Variants in ABCC4 observed in about 807,000 individuals in gnomAD.
The protein encoded by ABCC4 is ATP binding cassette subfamily C member 4 (PEL blood group), also known as ATP-binding cassette sub-family C member 4.
Under a neutral mutation model 168.5 loss-of-function variants are expected in ABCC4, and 102 were observed. That is an observed-to-expected ratio of 0.61 (90% CI 0.52 to 0.71). The LOEUF is 0.71. Ranked by LOEUF, ABCC4 falls within the 30% of genes least tolerant of loss-of-function variation. ABCC4 has a pLI of 0.00. For synonymous variants in ABCC4, 617 were observed against 590.7 expected (o/e 1.04, Z -0.65); for missense variants, 1,402 against 1,605.8 (o/e 0.87, Z 2.17).
At chr13:95,278,806 G>GGAA (rs764176828) in intron 1 of ABCC4, among the ~76,000 whole-genome samples, 1 of 34,344 alleles carries the variant, frequency 2.9e-5, no homozygotes, top group East Asian at 1.1e-3. Context: ...CCCTGTCTCG[G>GGAA]AAAAAAAAAA....
chr13:95,207,650 T>C, intron 7 of ABCC4, 150 bp downstream of exon 7: 1 of 740,948 alleles, frequency 1.3e-6, no homozygotes. Flanking sequence ...TCTCTACCAT[T>C]CTACTTAACC....
intron 26 of ABCC4, among the ~76,000 whole-genome samples, chr13:95,057,229 T>C (rs2033095447): frequency 6.6e-6 from 1 of 150,736 alleles, no homozygotes; most frequent in African/African-American, 2.4e-5. Context: ...TGAGGGGTAC[T>C]TTCTTAAGAA....
chr13:95,186,957 T>C lies in ABCC4; in HGVS notation c.1354-65A>G. 3 of 1,391,226 alleles carry C rather than the reference T, an allele frequency of 2.2e-6. No homozygotes were observed. In the East Asian group the frequency reaches 7.6e-5, roughly 35 times the overall value. 86.2% of individuals were successfully genotyped at this position (1,391,226 alleles called of 1,614,324 possible). A position where few individuals can be genotyped will look rare whatever the true frequency, so the allele number is the denominator to read the frequency against. On this transcript the variant is annotated intron_variant, in intron 10 of 30. Coordinates refer to ENST00000645237, the MANE Select transcript of ABCC4 (RefSeq NM_005845.5). Reference sequence around the variant, plus strand: ...TCGAGACAAGAATAAGCCACTGCAATGCAGCCTTGCCCAGCCCTGGGAGCT... The same window carrying C: ...TCGAGACAAGAATAAGCCACTGCAACGCAGCCTTGCCCAGCCCTGGGAGCT...
chr13:95,237,840 T>A (rs1594356084), intron 3 of ABCC4, among the ~76,000 whole-genome samples: 1 of 151,250 alleles, frequency 6.6e-6, no homozygotes, highest in East Asian at 2.0e-4. Context: ...GATGTTTGAG[T>A]GAAAAATACA....
At chr13:95,217,498 A>G (rs7321744) in intron 4 of ABCC4, among the ~76,000 whole-genome samples, 113,309 of 152,028 alleles carry the variant, frequency 0.75, 43,036 homozygotes, top group Non-Finnish European at 0.84. Flanking sequence ...TTGGGAGGCC[A>G]GGGAGGGCGG....
chr13:95,260,091 C>T (rs2040494572), intron 1 of ABCC4, among the ~76,000 whole-genome samples: 1 of 152,176 alleles, frequency 6.6e-6, no homozygotes, highest in Non-Finnish European at 1.5e-5. Flanking sequence ...TGGGGCCCTG[C>T]AATCTGTATC....
intron 19 of ABCC4, among the ~76,000 whole-genome samples, chr13:95,157,598 C>T (rs138450757): frequency 1.3e-4 from 20 of 152,238 alleles, no homozygotes; most frequent in Admixed American, 3.9e-4. Flanking sequence ...TAAGGCAGCA[C>T]ACTGGTTTGG....
intron 4 of ABCC4, among the ~76,000 whole-genome samples, chr13:95,216,778 T>G (rs1379856737): frequency 6.6e-6 from 1 of 152,186 alleles, no homozygotes; most frequent in Non-Finnish European, 1.5e-5. Flanking sequence ...AAATCTGGAC[T>G]TGTAGGGAGC....
At chr13:95,028,516 G>A (rs1455408470) in intron 30 of ABCC4, among the ~76,000 whole-genome samples, 1 of 151,868 alleles carries the variant, frequency 6.6e-6, no homozygotes, top group Non-Finnish European at 1.5e-5. Context: ...ATAATTTCTG[G>A]GCCAGAGAAA....
chr13:95,150,899 A>G (rs2036652175), intron 19 of ABCC4, among the ~76,000 whole-genome samples: 1 of 152,228 alleles, frequency 6.6e-6, no homozygotes, highest in South Asian at 2.1e-4. Flanking sequence ...CTTAGAGATT[A>G]TGATCTGAAA....
chr13:95,041,830 T>C (rs979902892), intron 29 of ABCC4, among the ~76,000 whole-genome samples: 7 of 152,198 alleles, frequency 4.6e-5, no homozygotes, highest in Admixed American at 1.3e-4. Context: ...TGAGGGAACA[T>C]AGAGGCCAGT....
chr13:95,181,329 G>A (rs1031933852), intron 11 of ABCC4, among the ~76,000 whole-genome samples: 10 of 152,248 alleles, frequency 6.6e-5, no homozygotes, highest in Non-Finnish European at 1.5e-4. Context: ...AGAGGCCCCA[G>A]AGTCAGAGAG....
At position 95,071,864 on chromosome 13, in the gene ABCC4, T is replaced by C; in HGVS notation, c.3019-11A>G. On this transcript the variant is annotated splice_polypyrimidine_tract_variant and intron_variant, in intron 24 of 30. Transcript: ENST00000645237. ...TTCTACTGAGATCATCTGAAAGAAATATGACATCCCGAGGGGTTAGGAATG... is the reference window on the plus strand; with the variant it reads ...TTCTACTGAGATCATCTGAAAGAAACATGACATCCCGAGGGGTTAGGAATG... 1 of 1,493,006 alleles carries C rather than the reference T, an allele frequency of 6.7e-7. No individual in the cohort carries two copies. Among genetic ancestry groups the C allele is most frequent in the East Asian group, 2.4e-5 (1 of 40,928 alleles). The allele number at this position is 1,493,006 out of a possible 1,614,324, so 92.5% of individuals were successfully genotyped here. A position where few individuals can be genotyped will look rare whatever the true frequency, so the allele number is the denominator to read the frequency against.
chr13:95,133,412 T>C (rs2036041886), intron 19 of ABCC4, among the ~76,000 whole-genome samples: 1 of 151,816 alleles, frequency 6.6e-6, no homozygotes, highest in South Asian at 2.1e-4. Context: ...CCACACCCAG[T>C]CCCTAAAAAC....
intron 20 of ABCC4, among the ~76,000 whole-genome samples, chr13:95,100,901 G>A (rs897821117): frequency 6.6e-6 from 1 of 152,162 alleles, no homozygotes; most frequent in African/African-American, 2.4e-5. Context: ...ATCTCAAAAT[G>A]ACAAAGTCAT....
chr13:95,246,278 C>T (rs570485342), intron 3 of ABCC4, among the ~76,000 whole-genome samples: 28 of 152,316 alleles, frequency 1.8e-4, no homozygotes, highest in Middle Eastern at 3.4e-3. Flanking sequence ...GAAGACACAC[C>T]GGATGGGTGT....
At chr13:95,225,788 A>G (rs1350618399) in intron 4 of ABCC4, among the ~76,000 whole-genome samples, 1 of 151,226 alleles carries the variant, frequency 6.6e-6, no homozygotes, top group African/African-American at 2.4e-5. Context: ...ATAAAATATA[A>G]AAATATAACA....
At chr13:95,131,970 C>CT (rs1217129516) in intron 19 of ABCC4, among the ~76,000 whole-genome samples, 1 of 152,058 alleles carries the variant, frequency 6.6e-6, no homozygotes, top group East Asian at 1.9e-4. Flanking sequence ...ACAGAAGAGA[C>CT]TACGGGGGTC....
intron 20 of ABCC4, among the ~76,000 whole-genome samples, chr13:95,109,049 C>A (rs1178505065): frequency 6.6e-6 from 1 of 152,188 alleles, no homozygotes; most frequent in Non-Finnish European, 1.5e-5. Context: ...TTATTGTCGA[C>A]CTCCTGCACT....
Sources: allele counts gnomAD v4.1 joint callset (sites outside exome capture counted in the v4.1 genomes callset), GRCh38; gene constraint gnomAD v4.1.1; transcripts MANE v1.5; gene names NCBI Gene and HGNC (gene_info 2026-07-23, HGNC 2026-07-21).